The following PDGFD variants were observed in gnomAD, a reference collection of about 807,000 sequenced individuals.
The protein encoded by PDGFD is platelet-derived growth factor D.
PDGFD carries 30 observed loss-of-function variants against 44.7 expected under a neutral mutation model. The ratio of observed to expected loss-of-function variants is 0.67; its 90% CI spans 0.50 to 0.91. The LOEUF is 0.91. Among genes scored for constraint, PDGFD ranks in the 40% least tolerant of loss-of-function variants. PDGFD has a pLI of 0.00. For synonymous variants in PDGFD, 173 were observed against 168.4 expected, an observed-to-expected ratio of 1.03 and a Z score of -0.21; for missense variants, 445 against 457.8, an observed-to-expected ratio of 0.97 and a Z score of 0.25.
At chr11:104,123,821 G>A (rs1278628672) in intron 1 of PDGFD, among the ~76,000 whole-genome samples, 1 of 151,792 alleles carries the variant, frequency 6.6e-6, no homozygotes, top group Non-Finnish European at 1.5e-5. Context: ...TTCTGTTTTA[G>A]TATCTGTTGT....
intron 1 of PDGFD, among the ~76,000 whole-genome samples, chr11:104,076,024 A>T (rs1457282658): frequency 6.6e-6 from 1 of 152,230 alleles, no homozygotes; most frequent in African/African-American, 2.4e-5. Flanking sequence ...GGTGGAGGTA[A>T]CAGAATCATG....
At chr11:104,152,398 A>G (rs1283017514) in intron 1 of PDGFD, among the ~76,000 whole-genome samples, 1 of 152,186 alleles carries the variant, frequency 6.6e-6, no homozygotes, top group African/African-American at 2.4e-5. Context: ...TTTTATCATC[A>G]GTAAAATAAC....
At position 104,150,998 on chromosome 11, in the gene PDGFD, T is replaced by G. The variant is rs563473146; in HGVS notation, c.124+12806A>C. Among the ~76,000 whole-genome samples the G allele has an allele frequency of 2.6e-3, 395 of 152,260 alleles. 3 individuals carry two copies. The highest frequency in any genetic ancestry group is 9.1e-3 in the African/African-American group (379 of 41,548). On this transcript the variant is annotated intron_variant, in intron 1 of 6. Coordinates refer to ENST00000393158, the MANE Select transcript of PDGFD (RefSeq NM_025208.5). ...TCTAATCTGAAGCATTAATTAAAAA[T>G]GGTCATTTTATATAACATTTTGCAA...
intron 1 of PDGFD, among the ~76,000 whole-genome samples, chr11:104,115,152 T>C (rs1861614505): frequency 6.6e-6 from 1 of 151,628 alleles, no homozygotes; most frequent in Non-Finnish European, 1.5e-5. Context: ...CAATGTTTGC[T>C]TTTCCATTCC....
At chr11:104,037,395 C>T (rs768649320) in intron 1 of PDGFD, 1 of 1,614,064 alleles carries the variant, frequency 6.2e-7, no homozygotes, top group Non-Finnish European at 8.5e-7. Flanking sequence ...GGGAAAAGGC[C>T]TTGAGAGAGC....
intron 1 of PDGFD, among the ~76,000 whole-genome samples, chr11:104,010,231 T>C (rs1313636734): frequency 6.6e-6 from 1 of 152,032 alleles, no homozygotes; most frequent in Non-Finnish European, 1.5e-5. Flanking sequence ...CAAACAAAGA[T>C]GTTAATGTTA....
intron 1 of PDGFD, among the ~76,000 whole-genome samples, chr11:104,125,018 T>G (rs1387422540): frequency 6.6e-6 from 1 of 152,200 alleles, no homozygotes; most frequent in Non-Finnish European, 1.5e-5. Flanking sequence ...ATCTTTATAA[T>G]TAAGCTTTTT....
At chr11:104,060,432 C>A (rs1860694598) in intron 1 of PDGFD, among the ~76,000 whole-genome samples, 1 of 152,140 alleles carries the variant, frequency 6.6e-6, no homozygotes, top group South Asian at 2.1e-4. Flanking sequence ...CCTGGGTACA[C>A]ATCTGGGTGG....
At chr11:104,126,636 C>T (rs916209662) in intron 1 of PDGFD, among the ~76,000 whole-genome samples, 4 of 152,060 alleles carry the variant, frequency 2.6e-5, no homozygotes, top group African/African-American at 4.8e-5. Context: ...AAGAGAGGAA[C>T]ATATATGTAG....
intron 3 of PDGFD, among the ~76,000 whole-genome samples, chr11:103,987,051 C>T (rs1591108506): frequency 7.5e-6 from 1 of 132,616 alleles, no homozygotes; most frequent in African/African-American, 2.9e-5. Context: ...CCAATCAGCA[C>T]TCCCCACTTT....
At chr11:104,030,624 C>T (rs759387476) in intron 1 of PDGFD, among the ~76,000 whole-genome samples, 8 of 152,188 alleles carry the variant, frequency 5.3e-5, no homozygotes, top group Non-Finnish European at 8.8e-5. Flanking sequence ...CTTTCCTATA[C>T]CAATCCTACC....
intron 1 of PDGFD, among the ~76,000 whole-genome samples, chr11:104,017,002 C>T (rs1409135861): frequency 6.6e-6 from 1 of 152,152 alleles, no homozygotes; most frequent in South Asian, 2.1e-4. Context: ...TTCTAACCCT[C>T]GAGGTGATGG....
At chr11:104,090,900 G>A (rs775926330) in intron 1 of PDGFD, among the ~76,000 whole-genome samples, 1 of 152,028 alleles carries the variant, frequency 6.6e-6, no homozygotes, top group Non-Finnish European at 1.5e-5. Context: ...CACAGATCCT[G>A]CAGTAGTCAC....
intron 1 of PDGFD, among the ~76,000 whole-genome samples, chr11:104,021,877 A>G (rs1859959547): frequency 6.6e-6 from 1 of 152,168 alleles, no homozygotes; most frequent in Admixed American, 6.6e-5. Context: ...CCTTGGGTAC[A>G]GGCATAGAGG....
At chr11:103,931,032 T>A (rs1292339768) in intron 5 of PDGFD, among the ~76,000 whole-genome samples, 5 of 152,166 alleles carry the variant, frequency 3.3e-5, no homozygotes, top group Non-Finnish European at 7.3e-5. Flanking sequence ...TAGCAATGAT[T>A]TGTCCTCAGT....
chr11:104,115,025 G>A (rs909864098), intron 1 of PDGFD, among the ~76,000 whole-genome samples: 3 of 151,374 alleles, frequency 2.0e-5, no homozygotes, highest in Admixed American at 6.6e-5. Flanking sequence ...CACCTAATTT[G>A]TAGTCTTTTA....
chr11:103,918,696 C>T (rs1591075680), intron 6 of PDGFD, among the ~76,000 whole-genome samples: 1 of 152,102 alleles, frequency 6.6e-6, no homozygotes, highest in African/African-American at 2.4e-5. Flanking sequence ...TTTTCCCAGA[C>T]AAGACAGGAG....
chr11:104,004,872 C>CTTTTTTTTTTTTTTT (rs33979812), intron 1 of PDGFD, among the ~76,000 whole-genome samples: 1 of 71,892 alleles, frequency 1.4e-5, no homozygotes, highest in Non-Finnish European at 2.4e-5. Context: ...TTATTACCAC[C>CTTTTTTTTTTTTTTT]TTTTTTTTTT....
chr11:103,992,150 C>T (rs1859464688), intron 3 of PDGFD, among the ~76,000 whole-genome samples: 1 of 152,134 alleles, frequency 6.6e-6, no homozygotes, highest in Non-Finnish European at 1.5e-5. Context: ...TATCTGTTAT[C>T]TTTAATGGGG....
Sources: allele counts gnomAD v4.1 joint callset (sites outside exome capture counted in the v4.1 genomes callset), GRCh38; gene constraint gnomAD v4.1.1; transcripts MANE v1.5; gene names NCBI Gene and HGNC (gene_info 2026-07-23, HGNC 2026-07-21).